The following CAMK4 variants were observed in gnomAD, a reference collection of about 807,000 sequenced individuals.
The protein encoded by CAMK4 is calcium/calmodulin-dependent protein kinase type IV.
In CAMK4, 22 loss-of-function variants were observed where a neutral mutation model predicts 44.9. The observed-to-expected ratio is 0.49, with a 90% CI of 0.35 to 0.70. The LOEUF (loss-of-function observed/expected upper bound fraction) is 0.70. CAMK4 is among the 30% of genes least tolerant of loss of function. CAMK4 has a pLI of 0.01. For missense variants in CAMK4, 498 were observed against 586.8 expected (o/e 0.85, Z 1.56); for synonymous variants, 218 against 215.4 (o/e 1.01, Z -0.11).
In CAMK4 at chr5:111,290,329, A is replaced by G. The variant is rs1457547952; in HGVS notation, c.162-53695A>G. On this transcript the variant is annotated intron_variant, in intron 1 of 10. Coordinates refer to ENST00000282356, the MANE Select transcript of CAMK4 (RefSeq NM_001744.6). The surrounding 1 kb of genome is among the most constrained non-coding windows in gnomAD (Gnocchi z 4.5). ...GCAAACATTTTTGCATCTTCTTGTC[A>G]TACATTAATCCCTAGCCAGAGATTA... Among the ~76,000 whole-genome samples the G allele has an allele frequency of 6.6e-6, 1 of 152,216 alleles. No homozygotes were observed. Among genetic ancestry groups the G allele is most frequent in the Non-Finnish European group, 1.5e-5 (1 of 68,036 alleles).
intron 2 of CAMK4, among the ~76,000 whole-genome samples, chr5:111,351,154 C>T (rs1312692477): frequency 6.6e-6 from 1 of 152,108 alleles, no homozygotes; most frequent in East Asian, 1.9e-4. Context: ...GTTCTCTGTT[C>T]TAGCCTTCTT....
intron 1 of CAMK4, among the ~76,000 whole-genome samples, chr5:111,319,850 A>G (rs956065640): frequency 6.6e-6 from 1 of 152,158 alleles, no homozygotes; most frequent in African/African-American, 2.4e-5. Context: ...ATTAAAAAAA[A>G]CTGTCTAAAC....
At chr5:111,438,504 G>C (rs540389664) in intron 5 of CAMK4, among the ~76,000 whole-genome samples, 1 of 151,936 alleles carries the variant, frequency 6.6e-6, no homozygotes, top group African/African-American at 2.4e-5. Context: ...AAAATTTATT[G>C]TAAAAAATTA....
chr5:111,338,745 G>T (rs189930368), intron 1 of CAMK4, among the ~76,000 whole-genome samples: 1 of 151,150 alleles, frequency 6.6e-6, no homozygotes, highest in African/African-American at 2.4e-5. Context: ...TGCTTTTGTC[G>T]AATTGTTGAA....
chr5:111,232,795 C>T (rs1287692620), intron 1 of CAMK4, among the ~76,000 whole-genome samples: 4 of 151,210 alleles, frequency 2.6e-5, no homozygotes, highest in Non-Finnish European at 5.9e-5. Flanking sequence ...AAAAAACAAT[C>T]CCATAGCCTA....
chr5:111,271,698 T>G (rs1750525482), intron 1 of CAMK4, among the ~76,000 whole-genome samples: 1 of 152,218 alleles, frequency 6.6e-6, no homozygotes, highest in Non-Finnish European at 1.5e-5. Context: ...TTACCAAATA[T>G]TTGGCAAGAC....
chr5:111,263,063 C>T (rs1245086935), intron 1 of CAMK4, among the ~76,000 whole-genome samples: 1 of 152,134 alleles, frequency 6.6e-6, no homozygotes. Flanking sequence ...GGGCAGATAG[C>T]TGAAGAGAAA....
At chr5:111,336,402 T>C (rs1580612003) in intron 1 of CAMK4, among the ~76,000 whole-genome samples, 1 of 151,292 alleles carries the variant, frequency 6.6e-6, no homozygotes, top group East Asian at 2.0e-4. Flanking sequence ...TATATGAACA[T>C]GCTGAAAATG....
At chr5:111,474,357 C>T (rs1053843555) in intron 8 of CAMK4, among the ~76,000 whole-genome samples, 1 of 152,216 alleles carries the variant, frequency 6.6e-6, no homozygotes, top group Admixed American at 6.5e-5. Context: ...GCACAGTCAG[C>T]TTCTGCTGAG....
At chr5:111,404,121 G>C (rs1200307071) in intron 5 of CAMK4, among the ~76,000 whole-genome samples, 1 of 152,152 alleles carries the variant, frequency 6.6e-6, no homozygotes, top group Admixed American at 6.6e-5. Context: ...GAATGGGTTG[G>C]CTAAGCATAC....
At chr5:111,249,826 A>C (rs958167414) in intron 1 of CAMK4, among the ~76,000 whole-genome samples, 1 of 143,064 alleles carries the variant, frequency 7.0e-6, no homozygotes, top group Non-Finnish European at 1.6e-5. Flanking sequence ...TATAATTTAT[A>C]TAAAACATAA....
At chr5:111,465,967 C>T (rs34621221) in intron 7 of CAMK4, among the ~76,000 whole-genome samples, 1 of 152,104 alleles carries the variant, frequency 6.6e-6, no homozygotes, top group Admixed American at 6.6e-5. Context: ...ACCAGCTAAC[C>T]TAATTCAACA....
chr5:111,403,890 A>G (rs1403261352), intron 5 of CAMK4, among the ~76,000 whole-genome samples: 1 of 152,184 alleles, frequency 6.6e-6, no homozygotes, highest in Non-Finnish European at 1.5e-5. Context: ...AGTGAGCCAC[A>G]ATAGATTCTG....
chr5:111,367,172 G>A (rs1329500563), intron 2 of CAMK4, among the ~76,000 whole-genome samples: 3 of 149,358 alleles, frequency 2.0e-5, no homozygotes, highest in Non-Finnish European at 4.4e-5. Context: ...ATAATAAACA[G>A]AAATGTATTT....
intron 4 of CAMK4, among the ~76,000 whole-genome samples, chr5:111,389,287 G>T (rs1442009284): frequency 6.6e-6 from 1 of 152,050 alleles, no homozygotes; most frequent in Non-Finnish European, 1.5e-5. Flanking sequence ...CCTCCCAAAG[G>T]CCCCACCTCC....
At chr5:111,363,515 T>A (rs942631572) in intron 2 of CAMK4, among the ~76,000 whole-genome samples, 1 of 152,026 alleles carries the variant, frequency 6.6e-6, no homozygotes, top group African/African-American at 2.4e-5. Flanking sequence ...AAGAAATAGA[T>A]GATGAATTAG....
At chr5:111,296,064 G>A (rs1747470608) in intron 1 of CAMK4, among the ~76,000 whole-genome samples, 1 of 152,064 alleles carries the variant, frequency 6.6e-6, no homozygotes, top group African/African-American at 2.4e-5. Context: ...CAGGAAATTT[G>A]CCTGCTGAAA....
rs1318709689 is a variant in CAMK4 at position 111,490,609 on chromosome 5, A to G, written c.*6143A>G. On this transcript the variant is annotated 3_prime_UTR_variant, in exon 11 of 11. Coordinates refer to ENST00000282356, the MANE Select transcript of CAMK4 (RefSeq NM_001744.6). ...GCGAAACTCCGTCAAAAAAAAATATATATATATGACCATAAATTGAAAACT... is the reference window on the plus strand; with the variant it reads ...GCGAAACTCCGTCAAAAAAAAATATGTATATATGACCATAAATTGAAAACT... 6.6e-6 allele frequency: 1 copy of G among 152,212 alleles called. No individual in the cohort carries two copies. Among genetic ancestry groups the G allele is most frequent in the Non-Finnish European group, 1.5e-5 (1 of 68,054 alleles). The allele number at this position is 152,212 out of a possible 1,614,324, so 9.4% of individuals were successfully genotyped here.
chr5:111,436,811 G>A (rs531000711), intron 5 of CAMK4, among the ~76,000 whole-genome samples: 32 of 152,156 alleles, frequency 2.1e-4, no homozygotes, highest in Non-Finnish European at 4.0e-4. Context: ...AGACACAAAG[G>A]GTACTGAAGA....
Sources: gnomAD v4.1 joint callset for allele counts (sites outside exome capture counted in the v4.1 genomes callset) on GRCh38, gnomAD v4.1.1 for gene constraint, Gnocchi (gnomAD v3.1) non-coding constraint, MANE v1.5 for transcripts, NCBI Gene and HGNC (gene_info 2026-07-23, HGNC 2026-07-21) for gene names.